MAP3K15: variants seen among roughly 807,000 people sequenced by gnomAD.
MAP3K15 encodes the protein mitogen-activated protein kinase kinase kinase 15.
Under a neutral mutation model 99.5 loss-of-function variants are expected in MAP3K15, and 124 were observed. The ratio of observed to expected loss-of-function variants is 1.25; its 90% CI spans 1.08 to 1.45. The LOEUF (loss-of-function observed/expected upper bound fraction) is 1.45. Among genes scored for constraint, MAP3K15 ranks in the 40% most tolerant of loss-of-function variants. The pLI is 0.00. For synonymous variants in MAP3K15, 494 were observed against 439.6 expected, an observed-to-expected ratio of 1.12 and a Z score of -1.55; for missense variants, 1,242 against 1,079.7, an observed-to-expected ratio of 1.15 and a Z score of -2.11.
At position 19,393,902 on chromosome X, in the gene MAP3K15, A is replaced by C. The variant is rs974651528; in HGVS notation, c.2194+1179T>G. On this transcript the variant is annotated intron_variant, in intron 16 of 28. Coordinates refer to ENST00000338883, the MANE Select transcript of MAP3K15 (RefSeq NM_001001671.4). ...ATTCTTGTGCCTCAGCCTCCGGAGT[A>C]GCTGGGACTACAGGCGCACGCCACC... Among the ~76,000 whole-genome samples the C allele has an allele frequency of 7.5e-5, 8 of 106,055 alleles. 1 individual carries two copies. The South Asian group carries it at 2.2e-3, about 29-fold the overall frequency. The allele number at this position is 106,055 out of a possible 115,157, so 92.1% of individuals were successfully genotyped here. A position where few individuals can be genotyped will look rare whatever the true frequency, so the allele number is the denominator to read the frequency against.
chrX:19,417,709 C>A (rs771063130), intron 9 of MAP3K15, among the ~76,000 whole-genome samples: 1 of 111,756 alleles, frequency 8.9e-6, no homozygotes, highest in African/African-American at 3.3e-5. Flanking sequence ...TCTCCCAGCA[C>A]GCAGCTCGAG....
chrX:19,362,857 TAAAAAA>T lies in MAP3K15; in HGVS notation c.3567-13_3567-8del, dbSNP rs34487219. On this transcript the variant is annotated splice_region_variant and splice_polypyrimidine_tract_variant and intron_variant, in intron 25 of 28. Coordinates refer to ENST00000338883, the MANE Select transcript of MAP3K15 (RefSeq NM_001001671.4). The stretch of plus-strand genomic sequence containing the variant: ...AACTAGGTGTTCCAAAAGTCTGGTT[TAAAAAA>T]AAAAAAAAAAAGCCATTATCCAGAG... The T allele has an allele frequency of 5.1e-6, 4 of 786,897 alleles. No individual in the cohort carries two copies. The African/African-American group carries it at 9.5e-5, about 19-fold the overall frequency. The allele number at this position is 786,897 out of a possible 1,213,427, so 64.8% of individuals were successfully genotyped here.
chrX:19,373,251 A>T (rs1438059332), intron 21 of MAP3K15: 1 of 217,124 alleles, frequency 4.6e-6, no homozygotes, highest in African/African-American at 4.5e-5. Flanking sequence ...GAGAGGGGGA[A>T]GAGGAGAGAG....
chrX:19,466,001 T>C (rs1443778491), intron 3 of MAP3K15, among the ~76,000 whole-genome samples: 2 of 110,051 alleles, frequency 1.8e-5, no homozygotes, highest in Non-Finnish European at 3.8e-5. Context: ...TCACCCAGGC[T>C]GCAGTGCGGT....
In MAP3K15 at chrX:19,438,431, A is replaced by G. The variant is rs185829672; in HGVS notation, c.996-6823T>C. ...TACTTATGTAAAAAATGCACAGAAT[A>G]AAAACACAACACTGGATTGGGAATC... On this transcript the variant is annotated intron_variant, in intron 6 of 28. Coordinates refer to ENST00000338883, the MANE Select transcript of MAP3K15 (RefSeq NM_001001671.4). Among the ~76,000 whole-genome samples the G allele has an allele frequency of 1.3e-4, 15 of 112,086 alleles. No individual in the cohort carries two copies. The Admixed American group carries it at 1.4e-3, about 11-fold the overall frequency.
At chrX:19,507,409 G>T (rs1204098511) in intron 1 of MAP3K15, among the ~76,000 whole-genome samples, 1 of 106,854 alleles carries the variant, frequency 9.4e-6, no homozygotes, top group Non-Finnish European at 1.9e-5. Context: ...GGATGCAGCT[G>T]ACAAAAGCCT....
At chrX:19,395,259 G>A in intron 15 of MAP3K15, 51 bp from the exon 16 acceptor site, 1 of 1,157,475 alleles carries the variant, frequency 8.6e-7, no homozygotes. Flanking sequence ...AGGGACTCTA[G>A]AACCACATCT....
At chrX:19,428,550 A>G (rs2063852129) in intron 7 of MAP3K15, among the ~76,000 whole-genome samples, 1 of 112,640 alleles carries the variant, frequency 8.9e-6, no homozygotes, top group Non-Finnish European at 1.9e-5. Flanking sequence ...AGATCTACAC[A>G]TAATTAGTGA....
At chrX:19,373,746 G>A (rs2063397906) in intron 20 of MAP3K15, 51 bp from the exon 21 acceptor site, 1 of 1,137,472 alleles carries the variant, frequency 8.8e-7, no homozygotes, top group African/African-American at 1.8e-5. Flanking sequence ...GAGGGACGGG[G>A]TGGAGCTGAG....
chrX:19,382,074 G>A (rs914251773), intron 18 of MAP3K15, among the ~76,000 whole-genome samples: 7 of 110,266 alleles, frequency 6.3e-5, no homozygotes, highest in Admixed American at 9.7e-5. Flanking sequence ...GCGAAACCCC[G>A]TCTCTACTAA....
At chrX:19,438,307 T>C (rs1261243228) in intron 6 of MAP3K15, among the ~76,000 whole-genome samples, 2 of 111,264 alleles carry the variant, frequency 1.8e-5, no homozygotes, top group African/African-American at 3.3e-5. Context: ...GGGGTCTCAC[T>C]ATGTGGCCCA....
intron 9 of MAP3K15, 69 bp downstream of exon 9, chrX:19,425,462 A>C: frequency 1.9e-6 from 2 of 1,032,827 alleles, no homozygotes; most frequent in Non-Finnish European, 2.6e-6. Context: ...CATAGTGATT[A>C]TAAGGAAGAC....
chrX:19,393,321 G>C lies in MAP3K15; in HGVS notation c.2195-848C>G, dbSNP rs772648857. Among the ~76,000 whole-genome samples the C allele has an allele frequency of 4.5e-5, 5 of 111,617 alleles. No homozygotes were observed. In the South Asian group the frequency reaches 1.9e-3, roughly 42 times the overall value. ...ACCCTTAAACCTAACGCCGGGGATG[G>C]GGTTATCAACTAACGTGAAGAGTAA... is the stretch of plus-strand genomic sequence containing the variant. On this transcript the variant is annotated intron_variant, in intron 16 of 28. Coordinates refer to ENST00000338883, the MANE Select transcript of MAP3K15 (RefSeq NM_001001671.4).
At chrX:19,476,132 A>G (rs1321077992) in intron 3 of MAP3K15, among the ~76,000 whole-genome samples, 1 of 112,341 alleles carries the variant, frequency 8.9e-6, no homozygotes, top group African/African-American at 3.2e-5. Flanking sequence ...CCTTCCAGAA[A>G]ACATCTTTTA....
chrX:19,374,770 A>T, intron 19 of MAP3K15, 110 bp from the exon 20 acceptor site: 1 of 670,424 alleles, frequency 1.5e-6, no homozygotes, highest in Non-Finnish European at 2.2e-6. Flanking sequence ...GACAGGCATA[A>T]TCCATGCCCC....
intron 4 of MAP3K15, among the ~76,000 whole-genome samples, chrX:19,462,026 C>CACAT (rs1555960647): frequency 9.9e-4 from 97 of 97,706 alleles, no homozygotes; most frequent in African/African-American, 4.1e-3. Context: ...CACACACACA[C>CACAT]ACACACACAC....
At position 19,418,732 on chromosome X, in the gene MAP3K15, A is replaced by G. The variant is rs770294975; in HGVS notation, c.1440-3475T>C. Among the ~76,000 whole-genome samples the G allele has an allele frequency of 5.3e-4, 59 of 111,191 alleles. No homozygotes were observed. In the Admixed American group the frequency reaches 5.7e-3, roughly 11 times the overall value. On this transcript the variant is annotated intron_variant, in intron 9 of 28. Transcript: ENST00000338883. ...GAGAAGAGCAACTCCAAGACACATAATTGTCAGATTCACCAAAGTTGAAAT... is the reference window on the plus strand; with the variant it reads ...GAGAAGAGCAACTCCAAGACACATAGTTGTCAGATTCACCAAAGTTGAAAT...
rs748480121 is a variant in MAP3K15, at chrX:19,380,243, G to A, written c.2466C>T (p.Asp822=). ...GGGCACCATATCCGCGAGGCCCTTGGTCAATTATCTCAGGTGCCATGTACT... is the reference window on the plus strand; with the variant it reads ...GGGCACCATATCCGCGAGGCCCTTGATCAATTATCTCAGGTGCCATGTACT... The part of the protein sequence containing the change: ...TLQYMAPEII[D]QGPRGYGAPA... The change falls in exon 19 of 29, where the codon GAC becomes GAT. Residue 822 remains aspartate, a synonymous_variant. Coordinates refer to ENST00000338883, the MANE Select transcript of MAP3K15 (RefSeq NM_001001671.4). 4.4e-5 allele frequency: 53 copies of A among 1,206,108 alleles called. No homozygotes were observed. Among genetic ancestry groups the A allele is most frequent in the Non-Finnish European group, 5.9e-5 (53 of 893,936 alleles).
chrX:19,441,529 G>A (rs1314670276), intron 6 of MAP3K15, among the ~76,000 whole-genome samples: 1 of 112,034 alleles, frequency 8.9e-6, no homozygotes. Flanking sequence ...AGGCTGGAGT[G>A]CAGTGGCACG....
Sources: allele counts gnomAD v4.1 joint callset (sites outside exome capture counted in the v4.1 genomes callset), GRCh38; gene constraint gnomAD v4.1.1; transcripts MANE v1.5; gene names NCBI Gene and HGNC (gene_info 2026-07-23, HGNC 2026-07-21).